NHSL1: variants seen among roughly 807,000 people sequenced by gnomAD.
The protein encoded by NHSL1 is NHS like 1, also known as NHS-like protein 1.
Under a neutral mutation model 95.0 loss-of-function variants are expected in NHSL1, and 48 were observed. The observed-to-expected ratio is 0.51, with a 90% CI of 0.40 to 0.64. The LOEUF is 0.64. Ranked by LOEUF, NHSL1 falls within the 30% of genes least tolerant of loss-of-function variation. The pLI is 0.00. For synonymous variants in NHSL1, 783 were observed against 833.9 expected, an observed-to-expected ratio of 0.94 and a Z score of 1.05; for missense variants, 1,971 against 2,077.7, an observed-to-expected ratio of 0.95 and a Z score of 1.00.
intron 1 of NHSL1, among the ~76,000 whole-genome samples, chr6:138,583,054 C>A (rs545560748): frequency 4.6e-5 from 7 of 152,202 alleles, no homozygotes; most frequent in Admixed American, 3.9e-4. Context: ...TGGCTCTCCC[C>A]GTGTGCCTGA....
At chr6:138,479,697 G>A (rs1036871424) in intron 2 of NHSL1, among the ~76,000 whole-genome samples, 2 of 152,204 alleles carry the variant, frequency 1.3e-5, no homozygotes, top group African/African-American at 4.8e-5. Flanking sequence ...CCACAAATAA[G>A]AGAGGACTAC....
At chr6:138,566,596 A>C (rs914524359) in intron 1 of NHSL1, among the ~76,000 whole-genome samples, 4 of 151,632 alleles carry the variant, frequency 2.6e-5, no homozygotes, top group East Asian at 1.9e-4. Flanking sequence ...TTAAAAAAAA[A>C]CCATATTTTT....
intron 1 of NHSL1, among the ~76,000 whole-genome samples, chr6:138,608,847 AT>A (rs928475619): frequency 6.6e-6 from 1 of 152,186 alleles, no homozygotes; most frequent in African/African-American, 2.4e-5. Flanking sequence ...CTTTTAGGGG[AT>A]TAGGAAGAAA....
chr6:138,594,388 G>C (rs776740884), intron 1 of NHSL1, among the ~76,000 whole-genome samples: 4 of 152,062 alleles, frequency 2.6e-5, no homozygotes, highest in Non-Finnish European at 5.9e-5. Context: ...ATTTCGCGGG[G>C]CTTCTGCAAC....
intron 1 of NHSL1, among the ~76,000 whole-genome samples, chr6:138,566,953 AT>A (rs982265931): frequency 6.6e-6 from 1 of 152,070 alleles, no homozygotes; most frequent in Non-Finnish European, 1.5e-5. Context: ...TCCTTTGGCT[AT>A]TTTTCCGATA....
At chr6:138,519,603 A>C (rs952427752) in intron 1 of NHSL1, among the ~76,000 whole-genome samples, 3 of 152,228 alleles carry the variant, frequency 2.0e-5, no homozygotes, top group African/African-American at 7.2e-5. Flanking sequence ...GAAAATCAAC[A>C]GAGGAGTGGG....
intron 1 of NHSL1, chr6:138,650,516 G>A: frequency 3.0e-5 from 19 of 639,902 alleles, no homozygotes; most frequent in South Asian, 2.4e-4. Flanking sequence ...TGATGAAGTA[G>A]GCCAGTAGGT....
At chr6:138,592,644 A>AG (rs1784247961) in intron 1 of NHSL1, among the ~76,000 whole-genome samples, 1 of 152,110 alleles carries the variant, frequency 6.6e-6, no homozygotes, top group African/African-American at 2.4e-5. Context: ...AACAACAAAA[A>AG]AAACCCCTAC....
At chr6:138,677,008 C>T (rs1372857220) in intron 1 of NHSL1, among the ~76,000 whole-genome samples, 1 of 152,200 alleles carries the variant, frequency 6.6e-6, no homozygotes, top group African/African-American at 2.4e-5. Context: ...CTCCAAATTA[C>T]AGTGGATTAT....
intron 1 of NHSL1, chr6:138,691,935 G>T (rs1035454398): frequency 6.6e-6 from 3 of 456,608 alleles, no homozygotes; most frequent in African/African-American, 6.0e-5. Context: ...AACCCTTAAA[G>T]TCTGCATAGT....
chr6:138,430,841 G>T lies in NHSL1; in HGVS notation c.3504C>A (p.Ser1168Arg), dbSNP rs1429698985. 6 of 1,550,776 alleles carry T rather than the reference G, an allele frequency of 3.9e-6. No homozygotes were observed. Among genetic ancestry groups the T allele is most frequent in the Non-Finnish European group, 5.2e-6 (6 of 1,146,796 alleles). Residue 1168 changes from serine to arginine, a missense_variant, in exon 6 of 8, where the codon AGC becomes AGA. Ser to Arg is a moderately radical substitution (Grantham distance 110). Around this residue, in one of 3 missense-constraint regions of NHSL1, gnomAD observed 1,602 missense variants for 1,654.5 expected, o/e 0.97. Coordinates refer to ENST00000343505, the MANE Select transcript of NHSL1 (RefSeq NM_001144060.2). This position sits in a 1 kb window ranked among gnomAD's most constrained non-coding sequence, Gnocchi z 4.7. Reference protein sequence around the residue: ...GPVSRSPGAPSAGEAEARPSP... With the variant: ...GPVSRSPGAPRAGEAEARPSP... The stretch of plus-strand genomic sequence containing the variant: ...TGGGCCGAGCCTCTGCCTCCCCAGC[G>T]CTTGGAGCTCCAGGGCTGCGGCTCA...
intron 1 of NHSL1, among the ~76,000 whole-genome samples, chr6:138,671,916 G>A (rs1785376499): frequency 1.3e-5 from 2 of 150,834 alleles, no homozygotes; most frequent in African/African-American, 4.9e-5. Context: ...AGAGGATAGG[G>A]AAGATGTAGG....
chr6:138,683,236 A>G (rs1312342384), intron 1 of NHSL1, among the ~76,000 whole-genome samples: 1 of 152,226 alleles, frequency 6.6e-6, no homozygotes, highest in African/African-American at 2.4e-5. Context: ...ATGCCTGTGC[A>G]GAACTCTCTG....
chr6:138,642,884 C>A (rs976567447), intron 1 of NHSL1, among the ~76,000 whole-genome samples: 1 of 152,002 alleles, frequency 6.6e-6, no homozygotes, highest in African/African-American at 2.4e-5. Context: ...AGAAAGACAC[C>A]ATAATTAAAG....
At position 138,614,150 on chromosome 6, in the gene NHSL1, CAATGT is replaced by C. The variant is rs1200835296; in HGVS notation, c.96+78321_96+78325del. Reference sequence around the variant, plus strand: ...TAAGATCATGTGATATAATTTTGGCCAATGTAATGTAAATAGAAATTGATGTGTGA... The same window carrying C: ...TAAGATCATGTGATATAATTTTGGCCAATGTAAATAGAAATTGATGTGTGA... On this transcript the variant is annotated intron_variant, in intron 1 of 3. Coordinates refer to the NHSL1 transcript ENST00000491526. Among the ~76,000 whole-genome samples, 3 of 152,104 alleles carry C rather than the reference CAATGT, an allele frequency of 2.0e-5. No homozygotes were observed. The East Asian group carries it at 5.8e-4, about 29-fold the overall frequency.
chr6:138,684,838 T>G (rs1785564498), intron 1 of NHSL1, among the ~76,000 whole-genome samples: 1 of 152,208 alleles, frequency 6.6e-6, no homozygotes, highest in African/African-American at 2.4e-5. Context: ...ACCCTCCTGC[T>G]GCATCTGAAC....
At chr6:138,576,460 C>T (rs1419950069), upstream of NHSL1, among the ~76,000 whole-genome samples, 1 of 152,184 alleles carries the variant, frequency 6.6e-6, no homozygotes. Context: ...ATCTGCCTTC[C>T]TTACCGTGCT....
At chr6:138,586,642 T>C (rs1385487648) in intron 1 of NHSL1, among the ~76,000 whole-genome samples, 2 of 152,172 alleles carry the variant, frequency 1.3e-5, no homozygotes, top group African/African-American at 4.8e-5. Context: ...AGCTTCATAA[T>C]AAAGTCTACC....
intron 1 of NHSL1, among the ~76,000 whole-genome samples, chr6:138,582,365 A>G (rs1459416176): frequency 6.6e-6 from 1 of 152,152 alleles, no homozygotes; most frequent in Non-Finnish European, 1.5e-5. Context: ...AACATTTTTA[A>G]AAGAACAGAA....
Sources: allele counts gnomAD v4.1 joint callset (sites outside exome capture counted in the v4.1 genomes callset), GRCh38; gene constraint gnomAD v4.1.1; regional missense constraint gnomAD v4.1.1; non-coding constraint Gnocchi (gnomAD v3.1); transcripts MANE v1.5; gene names NCBI Gene and HGNC (gene_info 2026-07-23, HGNC 2026-07-21).